Variants in CAPN13 observed in about 807,000 individuals in gnomAD.
The protein encoded by CAPN13 is calpain-13.
Under a neutral mutation model 98.4 loss-of-function variants are expected in CAPN13, and 90 were observed. That is an observed-to-expected ratio of 0.92 (90% CI 0.77 to 1.09). CAPN13 has a LOEUF of 1.09. Ranked by LOEUF, CAPN13 falls within the 50% of genes least tolerant of loss-of-function variation. The pLI is 0.00. For missense variants in CAPN13, 887 were observed against 841.3 expected (o/e 1.05, Z -0.67); for synonymous variants, 330 against 305.5 (o/e 1.08, Z -0.84).
At chr2:30,745,894 A>ATTTTTTTTTT (rs57880021) in intron 11 of CAPN13, among the ~76,000 whole-genome samples, 160 bp from the exon 12 acceptor site, 13 of 92,792 alleles carry the variant, frequency 1.4e-4, no homozygotes, top group Non-Finnish European at 2.0e-4. Context: ...GCCATAAAGC[A>ATTTTTTTTTT]TTTTTTTTTT....
Position 30,750,976 on chromosome 2 carries a change from C to T in CAPN13, c.1236+127G>A. ...GACTTGGACTGCATGAATGCTACAGCCTCTTTGGGCTTTATCTCCAAGGCT... is the reference window on the plus strand; with the variant it reads ...GACTTGGACTGCATGAATGCTACAGTCTCTTTGGGCTTTATCTCCAAGGCT... On this transcript the variant is annotated intron_variant, in intron 11 of 22. Coordinates refer to ENST00000295055, the MANE Select transcript of CAPN13 (RefSeq NM_144575.3). 6.7e-6 allele frequency: 7 copies of T among 1,051,254 alleles called. 1 individual carries two copies. In the South Asian group the frequency reaches 1.1e-4, roughly 17 times the overall value. The allele number at this position is 1,051,254 out of a possible 1,614,324, so 65.1% of individuals were successfully genotyped here. A position where few individuals can be genotyped will look rare whatever the true frequency, so the allele number is the denominator to read the frequency against.
At chr2:30,756,321 GC>G (rs1427208187) in intron 8 of CAPN13, among the ~76,000 whole-genome samples, 1 of 152,194 alleles carries the variant, frequency 6.6e-6, no homozygotes, top group African/African-American at 2.4e-5. Context: ...AATAGCCTAT[GC>G]GTCCCCCTCC....
At chr2:30,791,372 T>C (rs1435472778) in intron 1 of CAPN13, among the ~76,000 whole-genome samples, 5 of 152,198 alleles carry the variant, frequency 3.3e-5, no homozygotes, top group Non-Finnish European at 7.3e-5. Flanking sequence ...GCCTGGCACA[T>C]AGTAGGTATT....
Position 30,754,369 on chromosome 2 carries a change from G to C in CAPN13, c.867-5C>G. ...GTTTCCTCCCACTCCTGAGACCTGAGCATGGACACACAAACCACAGGGTGA... is the reference window on the plus strand; with the variant it reads ...GTTTCCTCCCACTCCTGAGACCTGACCATGGACACACAAACCACAGGGTGA... On this transcript the variant is annotated splice_polypyrimidine_tract_variant and splice_region_variant and intron_variant, in intron 8 of 22. Transcript: ENST00000295055. 1.9e-6 allele frequency: 3 copies of C among 1,597,406 alleles called. No homozygotes were observed. Among genetic ancestry groups the C allele is most frequent in the Non-Finnish European group, 2.6e-6 (3 of 1,173,782 alleles).
chr2:30,735,977 C>T (rs1017016912), intron 18 of CAPN13, among the ~76,000 whole-genome samples: 1 of 152,012 alleles, frequency 6.6e-6, no homozygotes, highest in Non-Finnish European at 1.5e-5. Flanking sequence ...TAGTGAATCT[C>T]CTTTAGACTT....
intron 2 of CAPN13, among the ~76,000 whole-genome samples, chr2:30,785,362 G>A (rs1438313696): frequency 6.6e-6 from 1 of 152,116 alleles, no homozygotes; most frequent in Non-Finnish European, 1.5e-5. Flanking sequence ...GGAAAGCTCT[G>A]GAAAGTACTA....
intron 2 of CAPN13, among the ~76,000 whole-genome samples, chr2:30,783,354 G>T (rs1674090912): frequency 6.6e-6 from 1 of 152,134 alleles, no homozygotes; most frequent in East Asian, 1.9e-4. Flanking sequence ...TTTGCACAGG[G>T]CACCATCATG....
At chr2:30,775,820 C>T in intron 4 of CAPN13, 110 bp downstream of exon 4, 1 of 592,794 alleles carries the variant, frequency 1.7e-6, no homozygotes, top group Non-Finnish European at 2.7e-6. Flanking sequence ...ACTAACACAA[C>T]TGTCACTTTC....
In CAPN13 at chr2:30,763,099, C is replaced by T. The variant is rs1169705314; in HGVS notation, c.757G>A (p.Val253Met). Residue 253 changes from valine to methionine, a missense_variant, in exon 7 of 23, where the codon GTG (valine) becomes ATG (methionine). Physicochemically the swap from Val to Met is conservative, Grantham distance 21. Coordinates refer to ENST00000295055, the MANE Select transcript of CAPN13 (RefSeq NM_144575.3). ...AGCCTTACCTGCTCAGCCCCAGTCACAGTGTAGGCATGGAGACTCACCAGC... is the reference window on the plus strand; with the variant it reads ...AGCCTTACCTGCTCAGCCCCAGTCATAGTGTAGGCATGGAGACTCACCAGC... ...NGLVSLHAYT[V>M]TGAEQIQYRR... 3 of 1,610,382 alleles carry T rather than the reference C, an allele frequency of 1.9e-6. No homozygotes were observed. The highest frequency in any genetic ancestry group is 1.7e-4 in the Middle Eastern group (1 of 5,978).
intron 22 of CAPN13, among the ~76,000 whole-genome samples, chr2:30,725,641 C>T (rs193191816): frequency 3.9e-5 from 6 of 152,216 alleles, no homozygotes; most frequent in Admixed American, 1.3e-4. Flanking sequence ...CTTTGTAACA[C>T]GGAGGATCAA....
At chr2:30,744,525 C>T (rs2147974510) in intron 12 of CAPN13, among the ~76,000 whole-genome samples, 1 of 152,328 alleles carries the variant, frequency 6.6e-6, no homozygotes, top group Non-Finnish European at 1.5e-5. Context: ...GGCGAGTGTG[C>T]ATGCATGTGT....
chr2:30,745,682 C>A, intron 12 of CAPN13, 41 bp downstream of exon 12: 1 of 1,594,380 alleles, frequency 6.3e-7, no homozygotes, highest in African/African-American at 1.3e-5. Flanking sequence ...CACCAGCAGA[C>A]AGCAGCAGAG....
At chr2:30,800,188 G>GAAAGA (rs1553322304) in intron 1 of CAPN13, among the ~76,000 whole-genome samples, 1 of 148,036 alleles carries the variant, frequency 6.8e-6, no homozygotes, top group African/African-American at 2.5e-5. Context: ...AAGAAAGAAA[G>GAAAGA]AAAACTACGT....
At chr2:30,752,963 C>G in intron 10 of CAPN13, 90 bp downstream of exon 10, 1 of 1,401,056 alleles carries the variant, frequency 7.1e-7, no homozygotes, top group Non-Finnish European at 1.0e-6. Context: ...GGTCCAGAAT[C>G]AAGGACCAGA....
chr2:30,755,618 C>T (rs576365745), intron 8 of CAPN13, among the ~76,000 whole-genome samples: 13 of 152,058 alleles, frequency 8.5e-5, no homozygotes, highest in Non-Finnish European at 1.8e-4. Context: ...GGGAGGCATG[C>T]TTGTAAGCAA....
chr2:30,805,734 C>T (rs1274856648), intron 1 of CAPN13, among the ~76,000 whole-genome samples: 3 of 88,662 alleles, frequency 3.4e-5, no homozygotes, highest in African/African-American at 1.3e-4. Flanking sequence ...AGCCTCAGGG[C>T]CAGTAGGTTG....
At chr2:30,742,100 G>C in intron 14 of CAPN13, 136 bp from the exon 15 acceptor site, 1 of 988,006 alleles carries the variant, frequency 1.0e-6, no homozygotes, top group Non-Finnish European at 1.5e-6. Flanking sequence ...GCCTTCTGGG[G>C]AATGAGAAAA....
chr2:30,778,290 T>C lies in CAPN13; in HGVS notation c.199-651A>G, dbSNP rs535691907. Among the ~76,000 whole-genome samples, 9 of 152,272 alleles carry C rather than the reference T, an allele frequency of 5.9e-5. No homozygotes were observed. In the South Asian group the frequency reaches 1.9e-3, roughly 32 times the overall value. On this transcript the variant is annotated intron_variant, in intron 2 of 22. Transcript: ENST00000295055. ...GCCTGCCAGCCAGAGACAGTGGTTA[T>C]GGAGGATTCCACCAGTGCTGCCACA...
chr2:30,764,252 C>T lies in CAPN13; in HGVS notation c.579G>A (p.Val193=), dbSNP rs775981460. The change falls in exon 6 of 23, where the codon GTG becomes GTA. Residue 193 remains valine (V), a synonymous_variant. Transcript: ENST00000295055. ...TGGTGATCACGCCTCCTGTGAGGTC[C>T]ACCAGGGCATCCTCGAGGAAGCCAT... The part of the protein sequence containing the change: ...LHYGFLEDAL[V]DLTGGVITNI... The T allele has an allele frequency of 1.9e-6, 3 of 1,613,718 alleles. No individual in the cohort carries two copies. The highest frequency in any genetic ancestry group is 2.5e-6 in the Non-Finnish European group (3 of 1,179,830).
Sources: allele counts gnomAD v4.1 joint callset (sites outside exome capture counted in the v4.1 genomes callset), GRCh38; gene constraint gnomAD v4.1.1; transcripts MANE v1.5; gene names NCBI Gene and HGNC (gene_info 2026-07-23, HGNC 2026-07-21).